The following KLHL6 variants were observed in gnomAD, a reference collection of about 807,000 sequenced individuals.
KLHL6 encodes the protein kelch-like protein 6.
KLHL6 carries 41 observed loss-of-function variants against 58.6 expected under a neutral mutation model. That is an observed-to-expected ratio of 0.70 (90% CI 0.55 to 0.91). KLHL6 has a LOEUF of 0.91. KLHL6 is among the 40% of genes least tolerant of loss of function. KLHL6 has a pLI of 0.00. For missense variants in KLHL6, 714 were observed against 805.6 expected, an observed-to-expected ratio of 0.89 and a Z score of 1.38; for synonymous variants, 338 against 322.7, an observed-to-expected ratio of 1.05 and a Z score of -0.51.
intron 1 of KLHL6, among the ~76,000 whole-genome samples, chr3:183,532,847 A>G (rs1712204718): frequency 6.6e-6 from 1 of 152,218 alleles, no homozygotes; most frequent in Non-Finnish European, 1.5e-5. Flanking sequence ...GAGCAAAGGC[A>G]GGACTCAAAG....
At chr3:183,528,617 C>T (rs1234772106) in intron 1 of KLHL6, among the ~76,000 whole-genome samples, 2 of 152,188 alleles carry the variant, frequency 1.3e-5, no homozygotes, top group Non-Finnish European at 2.9e-5. Context: ...TATTTAGCCG[C>T]CATCTTGGCT....
chr3:183,541,278 G>A (rs985389501), intron 1 of KLHL6, among the ~76,000 whole-genome samples: 9 of 152,240 alleles, frequency 5.9e-5, no homozygotes, highest in African/African-American at 2.2e-4. Flanking sequence ...TGCCAGGCCT[G>A]TCCCTTGGGC....
intron 1 of KLHL6, among the ~76,000 whole-genome samples, chr3:183,550,381 G>C (rs1227802600): frequency 6.6e-6 from 1 of 151,990 alleles, no homozygotes; most frequent in African/African-American, 2.4e-5. Flanking sequence ...AGATTAAAAG[G>C]GTTCATCAAA....
At chr3:183,541,992 C>T (rs1712569636) in intron 1 of KLHL6, among the ~76,000 whole-genome samples, 1 of 152,028 alleles carries the variant, frequency 6.6e-6, no homozygotes, top group Non-Finnish European at 1.5e-5. Context: ...TCCAGCCCTC[C>T]TAACCTCACT....
In KLHL6 at chr3:183,491,421, G is replaced by A. The variant is rs1480914913; in HGVS notation, c.*506C>T. On this transcript the variant is annotated 3_prime_UTR_variant, in exon 7 of 7. Coordinates refer to ENST00000341319, the MANE Select transcript of KLHL6 (RefSeq NM_130446.4). ...AGCCGCCACGCCCAGCAAGAGCCAG[G>A]TTTTGTTGTTGTTTTTTGTTTGTTT... 6.6e-6 allele frequency: 1 copy of A among 152,644 alleles called. No homozygotes were observed. The highest frequency in any genetic ancestry group is 1.5e-5 in the Non-Finnish European group (1 of 68,402). 9.5% of individuals were successfully genotyped at this position (152,644 alleles called of 1,614,324 possible). A position where few individuals can be genotyped will look rare whatever the true frequency, so the allele number is the denominator to read the frequency against.
chr3:183,552,528 C>T (rs1417002188), intron 1 of KLHL6, among the ~76,000 whole-genome samples: 1 of 151,858 alleles, frequency 6.6e-6, no homozygotes, highest in African/African-American at 2.4e-5. Flanking sequence ...ACCATCCTGG[C>T]TAACACAGTG....
chr3:183,551,104 G>C (rs1266322996), intron 1 of KLHL6, among the ~76,000 whole-genome samples: 1 of 141,648 alleles, frequency 7.1e-6, no homozygotes, highest in Non-Finnish European at 1.5e-5. Context: ...CTGGGCGACA[G>C]AGCAAGACTC....
intron 4 of KLHL6, among the ~76,000 whole-genome samples, chr3:183,496,088 T>C (rs1717705643): frequency 6.6e-6 from 1 of 152,078 alleles, no homozygotes; most frequent in African/African-American, 2.4e-5. Context: ...AAGCATGACA[T>C]GAATGTAGAA....
chr3:183,518,525 G>A (rs1450714872), intron 2 of KLHL6, among the ~76,000 whole-genome samples: 1 of 152,126 alleles, frequency 6.6e-6, no homozygotes, highest in Non-Finnish European at 1.5e-5. Flanking sequence ...ATCTGGTAGC[G>A]ATATGGATTT....
chr3:183,531,592 T>C (rs531939388), intron 1 of KLHL6, among the ~76,000 whole-genome samples: 1 of 151,728 alleles, frequency 6.6e-6, no homozygotes, highest in African/African-American at 2.4e-5. Context: ...AACTACAGGC[T>C]CCTGCCACCA....
At position 183,499,944 on chromosome 3, in the gene KLHL6, C is replaced by T; in HGVS notation, c.910-117G>A. On this transcript the variant is annotated intron_variant, in intron 3 of 6. Transcript: ENST00000341319. This position sits in a 1 kb window ranked among gnomAD's most constrained non-coding sequence, Gnocchi z 4.6. ...TATCTGCCACGGTATGACCATGTGA[C>T]TTCACCTCCCTGAGCCTCAGTTTCA... is the stretch of plus-strand genomic sequence containing the variant. 4.6e-6 allele frequency: 3 copies of T among 653,286 alleles called. No homozygotes were observed. Among genetic ancestry groups the T allele is most frequent in the Non-Finnish European group, 7.6e-6 (3 of 395,352 alleles). The allele number at this position is 653,286 out of a possible 1,614,324, so 40.5% of individuals were successfully genotyped here.
rs1430703408 is a variant in KLHL6 at position 183,492,151 on chromosome 3, G to T, written c.1642C>A (p.Arg548=). ...CAGGGCGCGATACCGCAGCTGGCCC[G>T]CTCGTGGCTGAGCTGGGTCACCAGG... is the stretch of plus-strand genomic sequence containing the variant. ...WCLVTQLSHE[R]ASCGIAPCNN... is the part of the protein sequence containing the mutation. The change falls in exon 7 of 7, where the codon CGG becomes AGG. Residue 548 remains arginine (R), a synonymous_variant. Transcript: ENST00000341319. This position sits in a 1 kb window ranked among gnomAD's most constrained non-coding sequence, Gnocchi z 5.9. 3 of 1,613,472 alleles carry T rather than the reference G, an allele frequency of 1.9e-6. No individual in the cohort carries two copies. In the South Asian group the frequency reaches 3.3e-5, roughly 18 times the overall value.
At chr3:183,493,720 G>A (rs181675743) in intron 5 of KLHL6, 16 of 279,936 alleles carry the variant, frequency 5.7e-5, no homozygotes, top group Admixed American at 2.9e-4. Context: ...TGTCCAGTGT[G>A]GAGAAGAATA....
At chr3:183,553,541 T>C (rs545547950) in intron 1 of KLHL6, among the ~76,000 whole-genome samples, 59 of 152,346 alleles carry the variant, frequency 3.9e-4, no homozygotes, top group Non-Finnish European at 8.2e-4. Context: ...CACTCACTCC[T>C]GAGAGGGGCT....
Position 183,525,269 on chromosome 3 carries a change from A to AC in KLHL6, c.459+2575_459+2576insG, listed in dbSNP as rs1553811031. Reference sequence around the variant, plus strand: ...ACAGAGTGAGACTCTCTAAAAAAAAAACACACACACACACACACACACACA... The same window carrying AC: ...ACAGAGTGAGACTCTCTAAAAAAAAACACACACACACACACACACACACACA... On this transcript the variant is annotated intron_variant, in intron 2 of 6. Transcript: ENST00000341319. 5.2e-4 allele frequency among the ~76,000 whole-genome samples: 69 copies of AC among 133,864 alleles called. No homozygotes were observed. In the East Asian group the frequency reaches 0.011, roughly 21 times the overall value. The allele number at this position is 133,864 out of a possible 152,430, so 87.8% of individuals were successfully genotyped here. A position where few individuals can be genotyped will look rare whatever the true frequency, so the allele number is the denominator to read the frequency against.
At chr3:183,550,553 G>A (rs1210448153) in intron 1 of KLHL6, among the ~76,000 whole-genome samples, 1 of 152,166 alleles carries the variant, frequency 6.6e-6, no homozygotes, top group Non-Finnish European at 1.5e-5. Context: ...CCAGCAATTT[G>A]GGAGGCGGAG....
chr3:183,517,173 C>A (rs995168839), intron 2 of KLHL6, among the ~76,000 whole-genome samples: 2 of 152,156 alleles, frequency 1.3e-5, no homozygotes, highest in African/African-American at 4.8e-5. Flanking sequence ...CTTGGCTTCC[C>A]AAAGTGCTGG....
chr3:183,553,044 T>C (rs1463561030), intron 1 of KLHL6, among the ~76,000 whole-genome samples: 2 of 152,034 alleles, frequency 1.3e-5, no homozygotes, highest in Non-Finnish European at 2.9e-5. Context: ...CAGGAGTTGA[T>C]AGGAATAGTA....
intron 2 of KLHL6, among the ~76,000 whole-genome samples, chr3:183,519,075 T>C (rs553439798): frequency 6.6e-6 from 1 of 152,284 alleles, no homozygotes; most frequent in African/African-American, 2.4e-5. Flanking sequence ...CAGTCCGGTA[T>C]GGCAGCAGCA....
Sources: gnomAD v4.1 joint callset for allele counts (sites outside exome capture counted in the v4.1 genomes callset) on GRCh38, gnomAD v4.1.1 for gene constraint, Gnocchi (gnomAD v3.1) non-coding constraint, MANE v1.5 for transcripts, NCBI Gene and HGNC (gene_info 2026-07-23, HGNC 2026-07-21) for gene names.